Variants in GALNTL6 observed in about 807,000 individuals in gnomAD.
The protein encoded by GALNTL6 is polypeptide N-acetylgalactosaminyltransferase-like 6.
Under a neutral mutation model 73.7 loss-of-function variants are expected in GALNTL6, and 46 were observed. That is an observed-to-expected ratio of 0.62 (90% confidence interval 0.49 to 0.80). GALNTL6 has a LOEUF of 0.80. Among genes scored for constraint, GALNTL6 ranks in the 30% least tolerant of loss-of-function variants. GALNTL6 has a pLI of 0.00. For synonymous variants in GALNTL6, 259 were observed against 263.7 expected (o/e 0.98, Z 0.17); for missense variants, 604 against 755.0 (o/e 0.80, Z 2.34).
At chr4:171,819,068 C>G (rs1213137387) in intron 2 of GALNTL6, among the ~76,000 whole-genome samples, 1 of 151,468 alleles carries the variant, frequency 6.6e-6, no homozygotes, top group East Asian at 1.9e-4. Flanking sequence ...TAGCAAATAC[C>G]TTAGAATTTG....
At chr4:172,439,503 G>T (rs1731753254) in intron 5 of GALNTL6, among the ~76,000 whole-genome samples, 1 of 151,106 alleles carries the variant, frequency 6.6e-6, no homozygotes, top group Admixed American at 6.6e-5. Flanking sequence ...TCTCCCTAAG[G>T]TTTTGCTATT....
At chr4:172,828,858 C>G (rs1028272826) in intron 7 of GALNTL6, among the ~76,000 whole-genome samples, 1 of 152,188 alleles carries the variant, frequency 6.6e-6, no homozygotes, top group Non-Finnish European at 1.5e-5. Flanking sequence ...GGCTATTTTC[C>G]TAGGGCTTCC....
chr4:172,071,305 C>A (rs1266583141), intron 2 of GALNTL6, among the ~76,000 whole-genome samples: 1 of 109,700 alleles, frequency 9.1e-6, no homozygotes, highest in Non-Finnish European at 2.0e-5. Context: ...CTCAGCTGAG[C>A]CTCATCAACA....
At chr4:172,517,848 A>G (rs775344546) in intron 5 of GALNTL6, among the ~76,000 whole-genome samples, 1 of 152,264 alleles carries the variant, frequency 6.6e-6, no homozygotes, top group South Asian at 2.1e-4. Flanking sequence ...CTAAATTAAA[A>G]GAGCATGAAA....
At position 172,079,604 on chromosome 4, in the gene GALNTL6, G is replaced by C. The variant is rs1379061544; in HGVS notation, c.139-150052G>C. Reference sequence around the variant, plus strand: ...ATATTATCATGATAACTAAAATTTTGCCACTGTAATAAGTTAAATCTTGGT... The same window carrying C: ...ATATTATCATGATAACTAAAATTTTCCCACTGTAATAAGTTAAATCTTGGT... On this transcript the variant is annotated intron_variant, in intron 2 of 12. Transcript: ENST00000506823. Among the ~76,000 whole-genome samples the C allele has an allele frequency of 2.0e-5, 3 of 152,060 alleles. No homozygotes were observed. In the East Asian group the frequency reaches 5.8e-4, roughly 29 times the overall value.
intron 2 of GALNTL6, among the ~76,000 whole-genome samples, chr4:171,847,023 T>C (rs1350947540): frequency 6.7e-6 from 1 of 150,344 alleles, no homozygotes; most frequent in Non-Finnish European, 1.5e-5. Context: ...TATCTCTCTC[T>C]TTCTCTCTGT....
At chr4:171,833,112 A>C (rs937942671) in intron 2 of GALNTL6, among the ~76,000 whole-genome samples, 1 of 151,810 alleles carries the variant, frequency 6.6e-6, no homozygotes, top group Non-Finnish European at 1.5e-5. Flanking sequence ...CAATATTAAA[A>C]GTATGTAAAT....
rs1738872776 is a variant in GALNTL6, at chr4:171,951,394, T to C, written c.138+136676T>C. Among the ~76,000 whole-genome samples the C allele has an allele frequency of 1.3e-5, 2 of 152,158 alleles. 1 individual carries two copies. Among genetic ancestry groups the C allele is most frequent in the South Asian group, 4.1e-4 (2 of 4,828 alleles). Reference sequence around the variant, plus strand: ...ATGCAATGTACATGATAAAATGTTTTCAATTATGCTATATCACCTTTTACT... The same window carrying C: ...ATGCAATGTACATGATAAAATGTTTCCAATTATGCTATATCACCTTTTACT... On this transcript the variant is annotated intron_variant, in intron 2 of 12. Coordinates refer to ENST00000506823, the MANE Select transcript of GALNTL6 (RefSeq NM_001034845.3).
At chr4:172,396,581 G>A (rs141422517) in intron 5 of GALNTL6, among the ~76,000 whole-genome samples, 134 of 152,162 alleles carry the variant, frequency 8.8e-4, no homozygotes, top group Non-Finnish European at 1.7e-3. Flanking sequence ...CCTTACTTAA[G>A]ACCAGTTCTC....
intron 5 of GALNTL6, among the ~76,000 whole-genome samples, chr4:172,772,422 G>A (rs1487146306): frequency 6.6e-6 from 1 of 152,098 alleles, no homozygotes; most frequent in Non-Finnish European, 1.5e-5. Context: ...AATAGCTATA[G>A]ATCTAATTCT....
intron 3 of GALNTL6, among the ~76,000 whole-genome samples, chr4:172,236,743 T>A (rs1211760428): frequency 8.5e-6 from 1 of 117,470 alleles, no homozygotes; most frequent in Non-Finnish European, 1.7e-5. Context: ...CTTTTAATTT[T>A]AGGTATACAT....
chr4:172,734,715 A>G (rs1418347034), intron 5 of GALNTL6, among the ~76,000 whole-genome samples: 1 of 152,054 alleles, frequency 6.6e-6, no homozygotes, highest in Non-Finnish European at 1.5e-5. Flanking sequence ...CAAGCTGTCA[A>G]TGGATCACAG....
At chr4:172,642,132 G>A (rs137934285) in intron 5 of GALNTL6, among the ~76,000 whole-genome samples, 92 of 152,104 alleles carry the variant, frequency 6.0e-4, no homozygotes, top group Non-Finnish European at 1.1e-3. Context: ...TTGTGGGAAT[G>A]TAAATTAGTA....
At chr4:172,079,916 A>G (rs1437941067) in intron 2 of GALNTL6, among the ~76,000 whole-genome samples, 2 of 152,116 alleles carry the variant, frequency 1.3e-5, no homozygotes, top group East Asian at 3.9e-4. Context: ...AACAATGTTT[A>G]TGTGGTTAAA....
chr4:171,934,356 C>T (rs1738277886), intron 2 of GALNTL6, among the ~76,000 whole-genome samples: 1 of 152,092 alleles, frequency 6.6e-6, no homozygotes, highest in African/African-American at 2.4e-5. Context: ...TTTGGTAAAA[C>T]CAGGAAGTAA....
intron 8 of GALNTL6, among the ~76,000 whole-genome samples, chr4:172,892,163 G>A (rs1746067487): frequency 6.6e-6 from 1 of 152,180 alleles, no homozygotes; most frequent in African/African-American, 2.4e-5. Flanking sequence ...TTTCAATGTG[G>A]TTAGGATCCA....
At chr4:172,771,199 C>A (rs1007152182) in intron 5 of GALNTL6, among the ~76,000 whole-genome samples, 1 of 152,172 alleles carries the variant, frequency 6.6e-6, no homozygotes, top group Non-Finnish European at 1.5e-5. Flanking sequence ...CCATGACAAT[C>A]ACCTGGCATG....
At chr4:172,038,468 G>T (rs1054349392) in intron 2 of GALNTL6, among the ~76,000 whole-genome samples, 17 of 152,094 alleles carry the variant, frequency 1.1e-4, no homozygotes, top group African/African-American at 3.9e-4. Flanking sequence ...GTAAATTTCA[G>T]TAACTATTGT....
chr4:172,809,630 C>T lies in GALNTL6; in HGVS notation c.739+84C>T. On this transcript the variant is annotated intron_variant, in intron 6 of 12. Coordinates refer to ENST00000506823, the MANE Select transcript of GALNTL6 (RefSeq NM_001034845.3). This position sits in a 1 kb window ranked among gnomAD's most constrained non-coding sequence, Gnocchi z 4.4. The stretch of plus-strand genomic sequence containing the variant: ...TTCTATTTAGTTTGCAATCAGCAAA[C>T]ACTAGAGGTCCCTTCTACAAGTTTT... The T allele has an allele frequency of 9.4e-7, 1 of 1,067,968 alleles. No individual in the cohort carries two copies. The highest frequency in any genetic ancestry group is 1.7e-5 in the South Asian group (1 of 57,948). 66.2% of individuals were successfully genotyped at this position (1,067,968 alleles called of 1,614,324 possible).
Sources: gnomAD v4.1 joint callset for allele counts (sites outside exome capture counted in the v4.1 genomes callset) on GRCh38, gnomAD v4.1.1 for gene constraint, Gnocchi (gnomAD v3.1) non-coding constraint, MANE v1.5 for transcripts, NCBI Gene and HGNC (gene_info 2026-07-23, HGNC 2026-07-21) for gene names.